Variants in ILRUN observed in about 807,000 individuals in gnomAD.
ILRUN encodes inflammation and lipid regulator with UBA-like and NBR1-like domains, also known as protein ILRUN.
Under a neutral mutation model 33.8 loss-of-function variants are expected in ILRUN, and 3 were observed. The observed-to-expected ratio is 0.09, with a 90% CI of 0.04 to 0.23. ILRUN has a LOEUF of 0.23. ILRUN is among the 10% of genes least tolerant of loss of function. ILRUN has a pLI of 1.00. For missense variants in ILRUN, 210 were observed against 375.1 expected (o/e 0.56, Z 3.64); for synonymous variants, 124 against 138.9 (o/e 0.89, Z 0.75).
chr6:34,608,169 A>G (rs919131556), intron 3 of ILRUN, among the ~76,000 whole-genome samples: 1 of 151,976 alleles, frequency 6.6e-6, no homozygotes, highest in African/African-American at 2.4e-5. Flanking sequence ...TGAGGCAGGA[A>G]GATCACTTGA....
chr6:34,624,314 A>ATTTATTTT (rs759024093), intron 3 of ILRUN, among the ~76,000 whole-genome samples: 1 of 151,754 alleles, frequency 6.6e-6, no homozygotes, highest in African/African-American at 2.4e-5. Context: ...TAATTACCTA[A>ATTTATTTT]TTTATTTTTT....
At chr6:34,667,738 T>C (rs1763033911) in intron 1 of ILRUN, among the ~76,000 whole-genome samples, 1 of 152,204 alleles carries the variant, frequency 6.6e-6, no homozygotes. Flanking sequence ...AACAAAATAA[T>C]CTGATTCTAA....
chr6:34,643,300 A>G (rs1052367675), intron 3 of ILRUN, among the ~76,000 whole-genome samples: 1 of 140,342 alleles, frequency 7.1e-6, no homozygotes, highest in Non-Finnish European at 1.6e-5. Flanking sequence ...GACCCATCTC[A>G]AAAAAAAAAA....
intron 1 of ILRUN, among the ~76,000 whole-genome samples, chr6:34,695,855 C>T (rs1240382840): frequency 4.8e-5 from 7 of 145,658 alleles, no homozygotes; most frequent in Non-Finnish European, 9.0e-5. Flanking sequence ...ACCCCCTTGT[C>T]TTCCCCCATA....
At chr6:34,611,433 G>A (rs900602340) in intron 3 of ILRUN, among the ~76,000 whole-genome samples, 1 of 152,150 alleles carries the variant, frequency 6.6e-6, no homozygotes, top group African/African-American at 2.4e-5. Flanking sequence ...CTAAGTTACT[G>A]CTGCAATGGG....
chr6:34,653,217 AATTT>A lies in ILRUN; in HGVS notation c.313+1404_313+1407del, dbSNP rs1471557991. Among the ~76,000 whole-genome samples the A allele has an allele frequency of 6.0e-5, 9 of 151,246 alleles. No individual in the cohort carries two copies. In the South Asian group the frequency reaches 1.9e-3, roughly 31 times the overall value. On this transcript the variant is annotated intron_variant, in intron 2 of 4. Transcript: ENST00000374023. ...ACACTATTTTCAAAGAACTATGGTT[AATTT>A]ATTTATTTTTATTTTTAATTTTTTT...
At chr6:34,683,433 T>TATACATATATATACATATATATAC (rs1432470806) in intron 1 of ILRUN, among the ~76,000 whole-genome samples, 10 of 81,810 alleles carry the variant, frequency 1.2e-4, no homozygotes, top group African/African-American at 6.9e-4. Context: ...TATATACATA[T>TATACATATATATACATATATATAC]ATATATACAT....
At chr6:34,678,712 G>T (rs546964735) in intron 1 of ILRUN, among the ~76,000 whole-genome samples, 1 of 151,188 alleles carries the variant, frequency 6.6e-6, no homozygotes, top group Non-Finnish European at 1.5e-5. Context: ...AAAATTAGCC[G>T]GGTGTGGTGG....
At position 34,646,902 on chromosome 6, in the gene ILRUN, C is replaced by A; in HGVS notation, c.314-104G>T. ...GAGGCCTCTTTCTTTTTCTCACATA[C>A]ATACATAAACCTAACCACATATACC... On this transcript the variant is annotated intron_variant, in intron 2 of 4. Transcript: ENST00000374023. This position sits in a 1 kb window ranked among gnomAD's most constrained non-coding sequence, Gnocchi z 4.9. 2.0e-6 allele frequency: 2 copies of A among 999,950 alleles called. No individual in the cohort carries two copies. Among genetic ancestry groups the A allele is most frequent in the South Asian group, 1.4e-5 (1 of 71,144 alleles). The allele number at this position is 999,950 out of a possible 1,614,324, so 61.9% of individuals were successfully genotyped here.
chr6:34,646,851 G>A lies in ILRUN; in HGVS notation c.314-53C>T. ...TAGGCAATCAATGGTCCTATGCTGG[G>A]TGCAGTTTATTATGAAACTGTAGAA... is the stretch of plus-strand genomic sequence containing the variant. On this transcript the variant is annotated intron_variant, in intron 2 of 4. Transcript: ENST00000374023. The surrounding 1 kb of genome is among the most constrained non-coding windows in gnomAD (Gnocchi z 4.9). 1 of 1,546,702 alleles carries A rather than the reference G, an allele frequency of 6.5e-7. No homozygotes were observed. Among genetic ancestry groups the A allele is most frequent in the East Asian group, 2.2e-5 (1 of 44,566 alleles).
At chr6:34,649,119 T>C (rs1762611519) in intron 2 of ILRUN, among the ~76,000 whole-genome samples, 1 of 152,222 alleles carries the variant, frequency 6.6e-6, no homozygotes, top group South Asian at 2.1e-4. Flanking sequence ...AAAGAACCTC[T>C]GGGCTAGAAG....
chr6:34,640,853 G>C (rs1388649617), intron 3 of ILRUN, among the ~76,000 whole-genome samples: 1 of 151,994 alleles, frequency 6.6e-6, no homozygotes, highest in Admixed American at 6.5e-5. Flanking sequence ...GGCTGAGGCA[G>C]GTGGATCACG....
At chr6:34,622,419 T>C (rs1762029524) in intron 3 of ILRUN, among the ~76,000 whole-genome samples, 1 of 152,056 alleles carries the variant, frequency 6.6e-6, no homozygotes, top group Admixed American at 6.6e-5. Context: ...GAATACACAT[T>C]TCTATAAAAA....
At chr6:34,654,523 C>T (rs923581302) in intron 2 of ILRUN, 102 bp downstream of exon 2, 21 of 1,207,344 alleles carry the variant, frequency 1.7e-5, no homozygotes, top group African/African-American at 9.2e-5. Flanking sequence ...AGAGAAAGCT[C>T]GCAGTTACAC....
chr6:34,681,370 A>AT (rs1763354881), intron 1 of ILRUN, among the ~76,000 whole-genome samples: 1 of 152,184 alleles, frequency 6.6e-6, no homozygotes, highest in African/African-American at 2.4e-5. Context: ...CAAGACAAAC[A>AT]TTAACTTTGG....
chr6:34,674,318 C>T (rs555466736), intron 1 of ILRUN, among the ~76,000 whole-genome samples: 8 of 152,326 alleles, frequency 5.3e-5, no homozygotes, highest in Admixed American at 2.0e-4. Context: ...TGAGCCACCG[C>T]GCCCGGCCCC....
chr6:34,602,496 A>C (rs574515760), intron 4 of ILRUN, among the ~76,000 whole-genome samples: 8 of 152,362 alleles, frequency 5.3e-5, no homozygotes, highest in Admixed American at 2.0e-4. Context: ...CTGGCCCCCC[A>C]GAGATGAGTC....
In ILRUN at chr6:34,684,168, C is replaced by T. The variant is rs143245556; in HGVS notation, c.158+12278G>A. Among the ~76,000 whole-genome samples the T allele has an allele frequency of 7.3e-3, 1,116 of 152,046 alleles. 21 individuals are homozygous for T. The highest frequency in any genetic ancestry group is 0.026 in the African/African-American group (1,061 of 41,488). On this transcript the variant is annotated intron_variant, in intron 1 of 4. Transcript: ENST00000374023. ...AAAATAGAAAAATCTAACACTGGAC[C>T]CCCATTCTAGCAGGGCAATATTTAA...
intron 3 of ILRUN, among the ~76,000 whole-genome samples, chr6:34,630,839 C>T (rs1466971322): frequency 6.6e-6 from 1 of 150,586 alleles, no homozygotes; most frequent in Non-Finnish European, 1.5e-5. Flanking sequence ...TCAGCCTTTT[C>T]TCTCTTTTTC....
Sources: allele counts gnomAD v4.1 joint callset (sites outside exome capture counted in the v4.1 genomes callset), GRCh38; gene constraint gnomAD v4.1.1; non-coding constraint Gnocchi (gnomAD v3.1); transcripts MANE v1.5; gene names NCBI Gene and HGNC (gene_info 2026-07-23, HGNC 2026-07-21).